The following DTNB variants were observed in gnomAD, a reference collection of about 807,000 sequenced individuals.
DTNB encodes the protein dystrobrevin beta.
DTNB carries 63 observed loss-of-function variants against 90.7 expected under a neutral mutation model. That is an observed-to-expected ratio of 0.69 (90% confidence interval 0.57 to 0.86). The LOEUF (loss-of-function observed/expected upper bound fraction) is 0.86. Ranked by LOEUF, DTNB falls within the 40% of genes least tolerant of loss-of-function variation. The pLI, the probability that DTNB is intolerant of heterozygous loss-of-function variation, is 0.00. For synonymous variants in DTNB, 277 were observed against 286.7 expected (o/e 0.97, Z 0.34); for missense variants, 744 against 807.1 (o/e 0.92, Z 0.95).
chr2:25,533,677 T>G (rs1215398100), intron 8 of DTNB, among the ~76,000 whole-genome samples: 1 of 152,268 alleles, frequency 6.6e-6, no homozygotes, highest in African/African-American at 2.4e-5. Context: ...CTGCTCACAG[T>G]TGACTCAAAA....
At chr2:25,515,530 G>A (rs2074911476) in intron 9 of DTNB, among the ~76,000 whole-genome samples, 1 of 152,044 alleles carries the variant, frequency 6.6e-6, no homozygotes, top group Admixed American at 6.6e-5. Flanking sequence ...TGCAAGGAAT[G>A]GTCTTTTCAA....
intron 9 of DTNB, among the ~76,000 whole-genome samples, chr2:25,517,160 C>T (rs1174046563): frequency 4.6e-5 from 7 of 151,876 alleles, no homozygotes; most frequent in African/African-American, 1.5e-4. Flanking sequence ...ATGGATAAAC[C>T]CCAAAAATAT....
chr2:25,611,345 TA>T (rs2068566308), intron 4 of DTNB, among the ~76,000 whole-genome samples: 1 of 151,996 alleles, frequency 6.6e-6, no homozygotes, highest in South Asian at 2.1e-4. Flanking sequence ...TATTCCTTAC[TA>T]AAAGAAAGAA....
chr2:25,562,130 A>G (rs1030334010), intron 8 of DTNB, among the ~76,000 whole-genome samples: 4 of 152,158 alleles, frequency 2.6e-5, no homozygotes, highest in Non-Finnish European at 5.9e-5. Flanking sequence ...TGTATATTTC[A>G]TTCTGTCTCT....
intron 20 of DTNB, among the ~76,000 whole-genome samples, chr2:25,378,756 G>T (rs2036625947): frequency 6.6e-6 from 1 of 152,234 alleles, no homozygotes; most frequent in Admixed American, 6.5e-5. Flanking sequence ...TTCAGGAAGT[G>T]AGAAGGTGCA....
rs182089084 is a variant in DTNB, at chr2:25,482,866, G to A, written c.1009C>T (p.Arg337Cys). ...PLDLAHIVPPRPLTNMNDTMV... is the reference protein window; with the variant it reads ...PLDLAHIVPPCPLTNMNDTMV... ...GTGTCATTCATATTAGTCAGAGGGC[G>A]AGGAGGACTGAAAGAAAAGACATTT... The change falls in exon 10 of 21, where the codon CGC becomes TGC. Residue 337 changes from arginine to cysteine, a missense_variant. By Grantham distance (180) the Arg-to-Cys change is radical (BLOSUM62 -3). Transcript: ENST00000406818. The A allele has an allele frequency of 7.7e-5, 123 of 1,604,682 alleles. No individual in the cohort carries two copies. In the East Asian group the frequency reaches 1.7e-3, roughly 23 times the overall value.
At chr2:25,409,289 A>G (rs1350026811) in intron 16 of DTNB, among the ~76,000 whole-genome samples, 3 of 152,244 alleles carry the variant, frequency 2.0e-5, no homozygotes, top group Non-Finnish European at 4.4e-5. Flanking sequence ...GGACCCAAAT[A>G]GATCTCTATA....
At chr2:25,586,287 G>C (rs1415496707) in intron 6 of DTNB, among the ~76,000 whole-genome samples, 1 of 151,784 alleles carries the variant, frequency 6.6e-6, no homozygotes, top group Admixed American at 6.6e-5. Flanking sequence ...GAGGCAGGCG[G>C]ATCACTTGAG....
At chr2:25,615,357 G>A (rs1161760940) in intron 4 of DTNB, among the ~76,000 whole-genome samples, 1 of 152,080 alleles carries the variant, frequency 6.6e-6, no homozygotes, top group Non-Finnish European at 1.5e-5. Context: ...TTTGGCCACT[G>A]GTGATCTGCC....
chr2:25,524,423 G>T (rs544799140), intron 9 of DTNB, among the ~76,000 whole-genome samples: 148 of 143,860 alleles, frequency 1.0e-3, no homozygotes, highest in South Asian at 8.5e-3. Context: ...TTTTTTTGGT[G>T]GGGGGGGTGG....
chr2:25,408,366 C>T (rs919510338), intron 16 of DTNB, among the ~76,000 whole-genome samples: 1 of 150,822 alleles, frequency 6.6e-6, no homozygotes, highest in Non-Finnish European at 1.5e-5. Context: ...CCCATCTCTA[C>T]CTCCCCCAAA....
intron 8 of DTNB, among the ~76,000 whole-genome samples, chr2:25,556,168 C>CTT (rs2057314285): frequency 1.0e-5 from 1 of 98,790 alleles, no homozygotes; most frequent in Non-Finnish European, 1.9e-5. Flanking sequence ...TTGGCCATCT[C>CTT]TCTTTTTTTT....
chr2:25,399,993 T>C (rs2043326359), intron 16 of DTNB, among the ~76,000 whole-genome samples: 1 of 152,218 alleles, frequency 6.6e-6, no homozygotes, highest in Non-Finnish European at 1.5e-5. Context: ...TCATGGCATA[T>C]TCTGCTTCTA....
intron 7 of DTNB, among the ~76,000 whole-genome samples, chr2:25,578,412 T>C (rs1483823094): frequency 6.6e-6 from 1 of 152,196 alleles, no homozygotes; most frequent in African/African-American, 2.4e-5. Context: ...TCTCAGCAAA[T>C]GTCAATGAGG....
intron 4 of DTNB, among the ~76,000 whole-genome samples, chr2:25,608,360 A>G (rs1370222711): frequency 1.3e-5 from 2 of 152,234 alleles, no homozygotes; most frequent in African/African-American, 4.8e-5. Flanking sequence ...TACGCTAGAA[A>G]ATTATCTGTG....
At chr2:25,620,920 C>T (rs976324694) in intron 4 of DTNB, among the ~76,000 whole-genome samples, 12 of 152,236 alleles carry the variant, frequency 7.9e-5, no homozygotes, top group East Asian at 7.7e-4. Context: ...CCAGCCACTC[C>T]GGAGGCTGAA....
chr2:25,418,074 T>A (rs2048400804), intron 16 of DTNB, among the ~76,000 whole-genome samples: 1 of 152,164 alleles, frequency 6.6e-6, no homozygotes. Flanking sequence ...TACCTACTGA[T>A]GCAGAAACGC....
chr2:25,661,026 T>C (rs908976796), intron 1 of DTNB, among the ~76,000 whole-genome samples: 1 of 152,244 alleles, frequency 6.6e-6, no homozygotes, highest in African/African-American at 2.4e-5. Context: ...GTGGTCTTGA[T>C]TGGTATTTCT....
At chr2:25,453,034 C>T (rs1223747797) in intron 11 of DTNB, among the ~76,000 whole-genome samples, 1 of 151,568 alleles carries the variant, frequency 6.6e-6, no homozygotes, top group Non-Finnish European at 1.5e-5. Context: ...AGAGAACTAT[C>T]TTTTAAATTA....
Sources: allele counts gnomAD v4.1 joint callset (sites outside exome capture counted in the v4.1 genomes callset), GRCh38; gene constraint gnomAD v4.1.1; transcripts MANE v1.5; gene names NCBI Gene and HGNC (gene_info 2026-07-23, HGNC 2026-07-21).